Variants in RNF185 observed in about 807,000 individuals in gnomAD.
RNF185 encodes E3 ubiquitin-protein ligase RNF185.
RNF185 carries 13 observed loss-of-function variants against 24.9 expected under a neutral mutation model. The ratio of observed to expected loss-of-function variants is 0.52; its 90% CI spans 0.34 to 0.83. The LOEUF is 0.83. Ranked by LOEUF, RNF185 falls within the 40% of genes least tolerant of loss-of-function variation. The pLI, the probability that RNF185 is intolerant of heterozygous loss-of-function variation, is 0.01. For missense variants in RNF185, 184 were observed against 244.7 expected (o/e 0.75, Z 1.65); for synonymous variants, 79 against 90.3 (o/e 0.88, Z 0.71).
rs2048309900 is a variant in RNF185 at position 31,205,896 on chromosome 22, C to G, written c.*1310C>G. On this transcript the variant is annotated 3_prime_UTR_variant, in exon 7 of 7. Coordinates refer to ENST00000326132, the MANE Select transcript of RNF185 (RefSeq NM_152267.4). ...TTTTCAGTTTCATAAGCTTCTTCCT[C>G]TGAATCTTATTGAGGGACTATGGTA... 2.6e-5 allele frequency: 4 copies of G among 153,200 alleles called. No homozygotes were observed. In the South Asian group the frequency reaches 8.2e-4, roughly 32 times the overall value. The allele number at this position is 153,200 out of a possible 1,614,324, so 9.5% of individuals were successfully genotyped here. A position where few individuals can be genotyped will look rare whatever the true frequency, so the allele number is the denominator to read the frequency against.
intron 4 of RNF185, among the ~76,000 whole-genome samples, chr22:31,196,200 AC>A (rs780481773): frequency 6.6e-6 from 1 of 151,452 alleles, no homozygotes; most frequent in Non-Finnish European, 1.5e-5. Flanking sequence ...CTACCCCTCT[AC>A]CCCCACCTGC....
At position 31,206,782 on chromosome 22, in the gene RNF185, A is replaced by G. The variant is rs1568976580; in HGVS notation, c.*2196A>G. 6.6e-6 allele frequency: 1 copy of G among 152,134 alleles called. No homozygotes were observed. The allele number at this position is 152,134 out of a possible 1,614,324, so 9.4% of individuals were successfully genotyped here. A position where few individuals can be genotyped will look rare whatever the true frequency, so the allele number is the denominator to read the frequency against. ...CCCAACAGGGAGCCCCCTTCCCACC[A>G]TCCCTCGGCAAGCTCACCACCTCAT... On this transcript the variant is annotated 3_prime_UTR_variant, in exon 7 of 7. Coordinates refer to ENST00000326132, the MANE Select transcript of RNF185 (RefSeq NM_152267.4).
At chr22:31,200,488 A>AT (rs1179700745) in intron 5 of RNF185, among the ~76,000 whole-genome samples, 1 of 152,260 alleles carries the variant, frequency 6.6e-6, no homozygotes, top group East Asian at 1.9e-4. Flanking sequence ...TGAAATGCAG[A>AT]TGAAGCCAAT....
chr22:31,181,086 G>T (rs563314312), intron 1 of RNF185, among the ~76,000 whole-genome samples: 1 of 152,068 alleles, frequency 6.6e-6, no homozygotes, highest in South Asian at 2.1e-4. Context: ...TTTTATTGGG[G>T]CTAGGCATGG....
chr22:31,201,941 C>A (rs2048266905), intron 6 of RNF185, among the ~76,000 whole-genome samples: 1 of 152,120 alleles, frequency 6.6e-6, no homozygotes. Context: ...TACCCCATGT[C>A]TATAAAATGG....
intron 6 of RNF185, 81 bp from the exon 7 acceptor site, chr22:31,204,408 G>C: frequency 1.2e-6 from 1 of 808,906 alleles, no homozygotes; most frequent in South Asian, 1.3e-5. Flanking sequence ...AAAGATTGAT[G>C]CTGTCAACTT....
chr22:31,189,135 A>ATGTGTGTG lies in RNF185; in HGVS notation c.176+1887_176+1894dup, dbSNP rs202051750. 1.6e-3 allele frequency among the ~76,000 whole-genome samples: 214 copies of ATGTGTGTG among 136,906 alleles called. 1 individual carries two copies. The highest frequency in any genetic ancestry group is 4.9e-3 in the South Asian group (21 of 4,274). The allele number at this position is 136,906 out of a possible 152,430, so 89.8% of individuals were successfully genotyped here. A position where few individuals can be genotyped will look rare whatever the true frequency, so the allele number is the denominator to read the frequency against. On this transcript the variant is annotated intron_variant, in intron 2 of 6. Coordinates refer to ENST00000326132, the MANE Select transcript of RNF185 (RefSeq NM_152267.4). Reference sequence around the variant, plus strand: ...AGCAAGACTCTGTCTCAAAAAAAAAATGTGTGTGTGTGTGTGTGTGTGTGT... The same window carrying ATGTGTGTG: ...AGCAAGACTCTGTCTCAAAAAAAAAATGTGTGTGTGTGTGTGTGTGTGTGTGTGTGTGT...
intron 5 of RNF185, 87 bp downstream of exon 5, chr22:31,197,077 T>A (rs764980782): frequency 8.5e-5 from 133 of 1,565,164 alleles, no homozygotes; most frequent in Non-Finnish European, 1.1e-4. Flanking sequence ...TCTCCTTGAT[T>A]ATAAAAGTAA....
intron 1 of RNF185, among the ~76,000 whole-genome samples, chr22:31,163,166 A>G (rs1367366427): frequency 1.3e-5 from 2 of 152,128 alleles, no homozygotes; most frequent in East Asian, 3.8e-4. Flanking sequence ...AGTCACACCC[A>G]TTTATTTATA....
chr22:31,204,668 T>C lies in RNF185; in HGVS notation c.*82T>C. On this transcript the variant is annotated 3_prime_UTR_variant, in exon 7 of 7. Coordinates refer to ENST00000326132, the MANE Select transcript of RNF185 (RefSeq NM_152267.4). Reference sequence around the variant, plus strand: ...AACTCCTGGTGTTTGGCTTCCTGGCTAATCTTGACTCCTGGAATCAGTGGG... The same window carrying C: ...AACTCCTGGTGTTTGGCTTCCTGGCCAATCTTGACTCCTGGAATCAGTGGG... 7.1e-6 allele frequency: 6 copies of C among 843,338 alleles called. No homozygotes were observed. The highest frequency in any genetic ancestry group is 1.0e-5 in the Non-Finnish European group (5 of 483,600). The allele number at this position is 843,338 out of a possible 1,614,324, so 52.2% of individuals were successfully genotyped here.
At chr22:31,166,698 G>A (rs1375387790) in intron 1 of RNF185, among the ~76,000 whole-genome samples, 1 of 151,502 alleles carries the variant, frequency 6.6e-6, no homozygotes, top group Non-Finnish European at 1.5e-5. Flanking sequence ...TGCCCAGGCT[G>A]GAGTGCAATG....
At chr22:31,200,495 C>G (rs1303470087) in intron 5 of RNF185, among the ~76,000 whole-genome samples, 1 of 152,218 alleles carries the variant, frequency 6.6e-6, no homozygotes, top group Non-Finnish European at 1.5e-5. Context: ...CAGATGAAGC[C>G]AATGTAAAAA....
In RNF185 at chr22:31,205,507, A is replaced by AG. The variant is rs2048306214; in HGVS notation, c.*923dup. On this transcript the variant is annotated 3_prime_UTR_variant, in exon 7 of 7. Transcript: ENST00000326132. ...AACTGAACAAGCAGCCCTGTCCCCT[A>AG]GGCTGCAGAAGCTTGAATGCATCCT... 6.6e-6 allele frequency: 1 copy of AG among 152,262 alleles called. No individual in the cohort carries two copies. The highest frequency in any genetic ancestry group is 2.4e-5 in the African/African-American group (1 of 41,448). 9.4% of individuals were successfully genotyped at this position (152,262 alleles called of 1,614,324 possible).
At chr22:31,172,809 A>G (rs1051402896) in intron 1 of RNF185, among the ~76,000 whole-genome samples, 1 of 151,114 alleles carries the variant, frequency 6.6e-6, no homozygotes, top group Non-Finnish European at 1.5e-5. Flanking sequence ...TGACAAAGGG[A>G]TGGCTGGAAC....
intron 1 of RNF185, 130 bp from the exon 2 acceptor site, chr22:31,186,917 C>T (rs1011473175): frequency 2.8e-5 from 19 of 671,632 alleles, no homozygotes; most frequent in African/African-American, 2.6e-4. Context: ...TCTTCTGTAG[C>T]GCTTTGGGAA....
rs758191838 is a variant in RNF185 at position 31,187,197 on chromosome 22, A to G, written c.103A>G (p.Ser35Gly). The G allele has an allele frequency of 2.5e-6, 4 of 1,614,048 alleles. No homozygotes were observed. The Admixed American group carries it at 5.0e-5, about 20-fold the overall frequency. Residue 35 changes from serine (S) to glycine (G), a missense_variant, in exon 2 of 7, where the codon AGC becomes GGC. Transcript: ENST00000326132. ...CGCTGGCGAGAGCGGAGGGCAGGACAGCACTTTCGAGTGCAACATCTGCTT... is the reference window on the plus strand; with the variant it reads ...CGCTGGCGAGAGCGGAGGGCAGGACGGCACTTTCGAGTGCAACATCTGCTT... ...NGAGESGGQD[S>G]TFECNICLDT...
chr22:31,173,575 G>T (rs1310423321), intron 1 of RNF185, among the ~76,000 whole-genome samples: 4 of 152,162 alleles, frequency 2.6e-5, no homozygotes, highest in Non-Finnish European at 5.9e-5. Context: ...GTTGGCTTGG[G>T]TTGGGAAGCT....
intron 5 of RNF185, among the ~76,000 whole-genome samples, chr22:31,200,344 G>A (rs765078504): frequency 8.6e-5 from 13 of 151,998 alleles, no homozygotes; most frequent in Non-Finnish European, 1.0e-4. Flanking sequence ...GTGACAGAGC[G>A]AGACCCTGTC....
At chr22:31,182,010 A>G (rs1007684158) in intron 1 of RNF185, among the ~76,000 whole-genome samples, 1 of 151,452 alleles carries the variant, frequency 6.6e-6, no homozygotes, top group East Asian at 1.9e-4. Context: ...TAATAAAAAT[A>G]TATATATATT....
Sources: gnomAD v4.1 joint callset for allele counts (sites outside exome capture counted in the v4.1 genomes callset) on GRCh38, gnomAD v4.1.1 for gene constraint, MANE v1.5 for transcripts, NCBI Gene and HGNC (gene_info 2026-07-23, HGNC 2026-07-21) for gene names.